DYNC2H1: variants seen among roughly 807,000 people sequenced by gnomAD.
DYNC2H1 encodes the protein dynein cytoplasmic 2 heavy chain 1.
In DYNC2H1, 410 loss-of-function variants were observed where a neutral mutation model predicts 570.0. The ratio of observed to expected loss-of-function variants is 0.72; its 90% confidence interval spans 0.66 to 0.78. DYNC2H1 has a LOEUF of 0.78. DYNC2H1 is among the 30% of genes least tolerant of loss of function. The probability of loss-of-function intolerance (pLI) is 0.00; values close to 1 mark genes in which losing one functional copy is unlikely to be tolerated. For synonymous variants in DYNC2H1, 1,688 were observed against 1,677.6 expected (o/e 1.01, Z -0.15); for missense variants, 4,865 against 5,046.4 (o/e 0.96, Z 1.09).
chr11:103,132,179 C>T (rs941346073), intron 13 of DYNC2H1, among the ~76,000 whole-genome samples: 1 of 151,842 alleles, frequency 6.6e-6, no homozygotes, highest in African/African-American at 2.4e-5. Context: ...GTTCATTTTT[C>T]CCTTTATTTT....
Position 103,446,813 on chromosome 11 carries a change from T to G in DYNC2H1, c.12457-8373T>G, listed in dbSNP as rs1944438692. 6.6e-6 allele frequency among the ~76,000 whole-genome samples: 1 copy of G among 152,100 alleles called. No homozygotes were observed. The highest frequency in any genetic ancestry group is 2.4e-5 in the African/African-American group (1 of 41,432). Reference sequence around the variant, plus strand: ...GAGGAAATAGGGCCCAATGCACATGTGGAAAGATAGGCCTTAAATAGGAGC... The same window carrying G: ...GAGGAAATAGGGCCCAATGCACATGGGGAAAGATAGGCCTTAAATAGGAGC... On this transcript the variant is annotated intron_variant, in intron 85 of 88. Coordinates refer to ENST00000375735, the MANE Select transcript of DYNC2H1 (RefSeq NM_001377.3). This position sits in a 1 kb window ranked among gnomAD's most constrained non-coding sequence, Gnocchi z 4.5.
In DYNC2H1 at chr11:103,204,938, G is replaced by T. The variant is rs794727750; in HGVS notation, c.8428G>T (p.Gly2810Cys). The change falls in exon 52 of 89, where the codon GGT becomes TGT. Residue 2810 changes from glycine (G) to cysteine (C), a missense_variant. Transcript: ENST00000375735. This position sits in a 1 kb window ranked among gnomAD's most constrained non-coding sequence, Gnocchi z 4.1. ...GAAATGCCAGGTGTTGTGGATGGAGGGTTGGTCCAATAGCAGTATGAAGAA... is the reference window on the plus strand; with the variant it reads ...GAAATGCCAGGTGTTGTGGATGGAGTGTTGGTCCAATAGCAGTATGAAGAA... Reference protein sequence around the residue: ...HKKCQVLWMEGWSNSSMKKIP... With the variant: ...HKKCQVLWMECWSNSSMKKIP... The T allele has an allele frequency of 7.5e-6, 12 of 1,590,490 alleles. No individual in the cohort carries two copies. Among genetic ancestry groups the T allele is most frequent in the Non-Finnish European group, 1.0e-5 (12 of 1,167,294 alleles).
intron 83 of DYNC2H1, among the ~76,000 whole-genome samples, chr11:103,375,673 C>A (rs1200719095): frequency 1.3e-5 from 2 of 152,162 alleles, no homozygotes; most frequent in Non-Finnish European, 2.9e-5. Flanking sequence ...GGCCTATAGC[C>A]CCTTTGTTTT....
At chr11:103,191,743 A>AT (rs1862323893) in intron 46 of DYNC2H1, 124 bp downstream of exon 46, 3 of 427,862 alleles carry the variant, frequency 7.0e-6, no homozygotes, top group Non-Finnish European at 1.1e-5. Flanking sequence ...AAATAGAAAT[A>AT]TTTTTATTAA....
At chr11:103,385,648 T>A (rs2135590804) in intron 83 of DYNC2H1, among the ~76,000 whole-genome samples, 1 of 152,324 alleles carries the variant, frequency 6.6e-6, no homozygotes, top group South Asian at 2.1e-4. Context: ...TAGCATTATC[T>A]CCTTAAATAT....
At chr11:103,155,653 A>T (rs552400280) in intron 25 of DYNC2H1, among the ~76,000 whole-genome samples, 152 bp downstream of exon 25, 2 of 152,192 alleles carry the variant, frequency 1.3e-5, no homozygotes, top group African/African-American at 4.8e-5. Context: ...TACATAAAAT[A>T]CATAAAAAAT....
chr11:103,249,831 G>A lies in DYNC2H1; in HGVS notation c.10043-3454G>A, dbSNP rs1864761532. 1.3e-5 allele frequency among the ~76,000 whole-genome samples: 2 copies of A among 152,016 alleles called. No individual in the cohort carries two copies. The highest frequency in any genetic ancestry group is 4.8e-5 in the African/African-American group (2 of 41,414). On this transcript the variant is annotated intron_variant, in intron 65 of 88. Coordinates refer to ENST00000375735, the MANE Select transcript of DYNC2H1 (RefSeq NM_001377.3). The surrounding 1 kb of genome is among the most constrained non-coding windows in gnomAD (Gnocchi z 4.6). The stretch of plus-strand genomic sequence containing the variant: ...GACTCCTGCTTCTTTACCAATGATA[G>A]TTTAGTCCCACTCCATTTCTCTTAC...
intron 84 of DYNC2H1, chr11:103,407,156 A>G (rs953311597): frequency 6.6e-6 from 1 of 151,664 alleles, no homozygotes; most frequent in Non-Finnish European, 1.5e-5. Flanking sequence ...GCCTGTCCAG[A>G]TGAGAAATTA....
chr11:103,330,346 T>C (rs933756052), intron 82 of DYNC2H1, among the ~76,000 whole-genome samples: 1 of 151,984 alleles, frequency 6.6e-6, no homozygotes, highest in African/African-American at 2.4e-5. Context: ...TTTGAGTAAA[T>C]GAGAAACACT....
At position 103,160,914 on chromosome 11, in the gene DYNC2H1, A is replaced by T. The variant is rs1400640850; in HGVS notation, c.4379-18A>T. 25 of 1,424,588 alleles carry T rather than the reference A, an allele frequency of 1.8e-5. No homozygotes were observed. The highest frequency in any genetic ancestry group is 2.3e-5 in the Non-Finnish European group (24 of 1,052,550). 88.2% of individuals were successfully genotyped at this position (1,424,588 alleles called of 1,614,324 possible). ...TCTTTAATCCTTTTGCAATTCAATCATTGCTTTTATATTTCAGGTATTAAC... is the reference window on the plus strand; with the variant it reads ...TCTTTAATCCTTTTGCAATTCAATCTTTGCTTTTATATTTCAGGTATTAAC... On this transcript the variant is annotated intron_variant, in intron 28 of 88. Transcript: ENST00000375735.
chr11:103,116,482 G>T, intron 4 of DYNC2H1, 88 bp from the exon 5 acceptor site: 1 of 948,264 alleles, frequency 1.1e-6, no homozygotes. Context: ...TTAGAGTTGT[G>T]GCAGTTGAAA....
rs1862021913 is a variant in DYNC2H1 at position 103,185,321 on chromosome 11, T to G, written c.6633+270T>G. Among the ~76,000 whole-genome samples, 1 of 151,860 alleles carries G rather than the reference T, an allele frequency of 6.6e-6. No homozygotes were observed. Among genetic ancestry groups the G allele is most frequent in the African/African-American group, 2.4e-5 (1 of 41,422 alleles). ...ATATCTTTTTTAAGTTAGACATTTT[T>G]GAACCTACTTGTCTACATTAATAAT... On this transcript the variant is annotated intron_variant, in intron 41 of 88. Transcript: ENST00000375735. The surrounding 1 kb of genome is among the most constrained non-coding windows in gnomAD (Gnocchi z 4.5).
rs1362856387 is a variant in DYNC2H1 at position 103,205,616 on chromosome 11, T to C, written c.8454+652T>C. 2.0e-5 allele frequency among the ~76,000 whole-genome samples: 3 copies of C among 152,170 alleles called. No individual in the cohort carries two copies. The highest frequency in any genetic ancestry group is 4.4e-5 in the Non-Finnish European group (3 of 68,026). ...AGGCCACGTGAATAAGAGGCATTCA[T>C]TAAGAAGTAATTATTGGGTGCTTAG... On this transcript the variant is annotated intron_variant, in intron 52 of 88. Transcript: ENST00000375735. The surrounding 1 kb of genome is among the most constrained non-coding windows in gnomAD (Gnocchi z 4.5).
Position 103,349,567 on chromosome 11 carries a change from T to C in DYNC2H1, c.12040-8676T>C, listed in dbSNP as rs531460969. 3.9e-5 allele frequency among the ~76,000 whole-genome samples: 6 copies of C among 152,292 alleles called. No homozygotes were observed. The East Asian group carries it at 9.6e-4, about 24-fold the overall frequency. On this transcript the variant is annotated intron_variant, in intron 82 of 88. Transcript: ENST00000375735. ...ACCAGTTATGCACAAAATATGAATA[T>C]ATGTGATTTATAATGAAGTGTCAGC...
intron 88 of DYNC2H1, among the ~76,000 whole-genome samples, chr11:103,470,380 T>C (rs1190159833): frequency 6.6e-6 from 1 of 152,242 alleles, no homozygotes; most frequent in East Asian, 1.9e-4. Context: ...GCATTTATCC[T>C]ATAGAAGAGA....
intron 84 of DYNC2H1, among the ~76,000 whole-genome samples, chr11:103,431,647 A>G (rs1943898638): frequency 6.6e-6 from 1 of 152,192 alleles, no homozygotes; most frequent in South Asian, 2.1e-4. Context: ...CATTTTGCCA[A>G]TAAGAAATAC....
chr11:103,245,137 T>C lies in DYNC2H1; in HGVS notation c.9919-114T>C. On this transcript the variant is annotated intron_variant, in intron 64 of 88. Coordinates refer to ENST00000375735, the MANE Select transcript of DYNC2H1 (RefSeq NM_001377.3). The surrounding 1 kb of genome is among the most constrained non-coding windows in gnomAD (Gnocchi z 4.5). Reference sequence around the variant, plus strand: ...GGTGAGTAATTTATTACCTATAGAATCTGAAATTGTGTTTCTATAACATTT... The same window carrying C: ...GGTGAGTAATTTATTACCTATAGAACCTGAAATTGTGTTTCTATAACATTT... 1.1e-6 allele frequency: 1 copy of C among 889,540 alleles called. No homozygotes were observed. Among genetic ancestry groups the C allele is most frequent in the South Asian group, 1.9e-5 (1 of 51,946 alleles). 55.1% of individuals were successfully genotyped at this position (889,540 alleles called of 1,614,324 possible).
rs1482767335 is a variant in DYNC2H1 at position 103,325,082 on chromosome 11, C to A, written c.12039+1092C>A. 6.6e-6 allele frequency among the ~76,000 whole-genome samples: 1 copy of A among 151,966 alleles called. No individual in the cohort carries two copies. Among genetic ancestry groups the A allele is most frequent in the Admixed American group, 6.6e-5 (1 of 15,254 alleles). On this transcript the variant is annotated intron_variant, in intron 82 of 88. Transcript: ENST00000375735. The surrounding 1 kb of genome is among the most constrained non-coding windows in gnomAD (Gnocchi z 4.8). ...TTGTTTGTTTTTTGCTTGTTAATTT[C>A]TTTAAGTTCCTTATAGATTCTGGAC...
At position 103,306,003 on chromosome 11, in the gene DYNC2H1, C is replaced by G. The variant is rs752699687; in HGVS notation, c.11382+1283C>G. On this transcript the variant is annotated intron_variant, in intron 77 of 88. Transcript: ENST00000375735. ...TTTGGCTCACTGCAACCTCCACCTC[C>G]CAAGTTCAAATGATTCTCGTGCCTC... Among the ~76,000 whole-genome samples the G allele has an allele frequency of 3.9e-5, 6 of 152,120 alleles. No homozygotes were observed. The South Asian group carries it at 8.3e-4, about 21-fold the overall frequency.
Sources: gnomAD v4.1 joint callset for allele counts (sites outside exome capture counted in the v4.1 genomes callset) on GRCh38, gnomAD v4.1.1 for gene constraint, Gnocchi (gnomAD v3.1) non-coding constraint, MANE v1.5 for transcripts, NCBI Gene and HGNC (gene_info 2026-07-23, HGNC 2026-07-21) for gene names.